NELL2: variants seen among roughly 807,000 people sequenced by gnomAD.
The protein encoded by NELL2 is protein kinase C-binding protein NELL2.
NELL2 carries 41 observed loss-of-function variants against 109.6 expected under a neutral mutation model. The ratio of observed to expected loss-of-function variants is 0.37; its 90% CI spans 0.29 to 0.49. NELL2 has a LOEUF of 0.49. Among genes scored for constraint, NELL2 ranks in the 20% least tolerant of loss-of-function variants. The pLI, the probability that NELL2 is intolerant of heterozygous loss-of-function variation, is 0.98. For missense variants in NELL2, 900 were observed against 1,008.3 expected, an observed-to-expected ratio of 0.89 and a Z score of 1.45; for synonymous variants, 355 against 344.7, an observed-to-expected ratio of 1.03 and a Z score of -0.33.
chr12:44,643,066 T>G (rs1342477829), intron 13 of NELL2, among the ~76,000 whole-genome samples: 1 of 152,224 alleles, frequency 6.6e-6, no homozygotes. Flanking sequence ...CATATACTTC[T>G]GATAAAAATG....
At chr12:44,819,086 C>A (rs1943456371) in intron 2 of NELL2, among the ~76,000 whole-genome samples, 1 of 151,984 alleles carries the variant, frequency 6.6e-6, no homozygotes, top group Admixed American at 6.6e-5. Context: ...GATGAAATGA[C>A]AAGTAAAGAT....
chr12:44,592,788 G>T lies in NELL2; in HGVS notation c.1663+14381C>A, dbSNP rs1258384811. Among the ~76,000 whole-genome samples the T allele has an allele frequency of 3.3e-5, 5 of 152,308 alleles. No individual in the cohort carries two copies. The East Asian group carries it at 5.8e-4, about 18-fold the overall frequency. On this transcript the variant is annotated intron_variant, in intron 15 of 19. Transcript: ENST00000429094. ...CACATTGCTAGGGCTCTTTCCAAGG[G>T]CTGGAAAGAAGCCTGGTTGCATTAA...
chr12:44,901,140 G>T (rs1945655580), intron 1 of NELL2, among the ~76,000 whole-genome samples: 1 of 151,964 alleles, frequency 6.6e-6, no homozygotes, highest in South Asian at 2.1e-4. Flanking sequence ...TAACAACATA[G>T]ATAGACCACT....
chr12:44,677,051 A>G (rs867227707), intron 12 of NELL2, among the ~76,000 whole-genome samples: 2 of 152,260 alleles, frequency 1.3e-5, no homozygotes, highest in South Asian at 2.1e-4. Flanking sequence ...CTCCAAACCC[A>G]GTCTTACAAA....
chr12:44,601,628 A>G (rs1370483463), intron 15 of NELL2, among the ~76,000 whole-genome samples: 1 of 152,144 alleles, frequency 6.6e-6, no homozygotes, highest in Admixed American at 6.5e-5. Context: ...AGAGTCTCAA[A>G]CAGTTCTGTC....
At chr12:44,736,304 C>T (rs913435767) in intron 9 of NELL2, among the ~76,000 whole-genome samples, 10 of 152,080 alleles carry the variant, frequency 6.6e-5, no homozygotes, top group South Asian at 2.1e-4. Context: ...CCACCGCGCC[C>T]GGCCTTCTTT....
At chr12:44,531,468 T>C (rs1482503538) in intron 16 of NELL2, among the ~76,000 whole-genome samples, 1 of 152,138 alleles carries the variant, frequency 6.6e-6, no homozygotes, top group African/African-American at 2.4e-5. Context: ...CCTTAGACCA[T>C]ATTTAAGTGG....
At chr12:44,787,987 C>T (rs1942243450) in intron 3 of NELL2, among the ~76,000 whole-genome samples, 1 of 152,076 alleles carries the variant, frequency 6.6e-6, no homozygotes, top group African/African-American at 2.4e-5. Flanking sequence ...AACTTTTGTG[C>T]ATTTTAAGAC....
At chr12:44,517,065 T>C (rs1941301124) in intron 19 of NELL2, among the ~76,000 whole-genome samples, 1 of 151,768 alleles carries the variant, frequency 6.6e-6, no homozygotes, top group South Asian at 2.1e-4. Flanking sequence ...ATTTAACACT[T>C]TTTCCATGTG....
At chr12:44,737,452 C>T (rs1413680798) in intron 9 of NELL2, among the ~76,000 whole-genome samples, 1 of 151,986 alleles carries the variant, frequency 6.6e-6, no homozygotes, top group African/African-American at 2.4e-5. Context: ...CTGCTCCTCC[C>T]AAATTCCTTT....
At chr12:44,557,827 A>G (rs892354273) in intron 15 of NELL2, among the ~76,000 whole-genome samples, 5 of 152,222 alleles carry the variant, frequency 3.3e-5, no homozygotes, top group Non-Finnish European at 5.9e-5. Context: ...ACTGAAAAAG[A>G]GGAACCAAAG....
chr12:44,555,956 AC>A (rs1215315550), intron 15 of NELL2, among the ~76,000 whole-genome samples: 2 of 152,166 alleles, frequency 1.3e-5, no homozygotes, highest in African/African-American at 4.8e-5. Context: ...GTACACATAT[AC>A]CCAAGGTGCA....
intron 19 of NELL2, among the ~76,000 whole-genome samples, chr12:44,515,583 T>G: frequency 6.6e-6 from 1 of 151,914 alleles, no homozygotes. Flanking sequence ...ATCAAACTCA[T>G]CAAACTATAT....
intron 1 of NELL2, among the ~76,000 whole-genome samples, chr12:44,888,785 GTA>G (rs556016714): frequency 3.3e-5 from 5 of 151,404 alleles, no homozygotes; most frequent in Non-Finnish European, 7.4e-5. Context: ...AACATTCTTC[GTA>G]TTCACCAAAG....
At chr12:44,892,666 T>C (rs919677053) in intron 1 of NELL2, among the ~76,000 whole-genome samples, 20 of 151,296 alleles carry the variant, frequency 1.3e-4, no homozygotes, top group Non-Finnish European at 2.7e-4. Flanking sequence ...GGAGTGGTGG[T>C]GGGCGCCTGT....
chr12:44,839,681 C>T (rs931560985), intron 2 of NELL2, among the ~76,000 whole-genome samples: 1 of 152,194 alleles, frequency 6.6e-6, no homozygotes, highest in East Asian at 1.9e-4. Context: ...GAAGTGTTCG[C>T]TTGAGGGCTA....
chr12:44,909,083 A>G (rs1423994496), intron 1 of NELL2, among the ~76,000 whole-genome samples: 3 of 151,966 alleles, frequency 2.0e-5, no homozygotes, highest in Admixed American at 1.3e-4. Flanking sequence ...TAGATAGAGC[A>G]ATCAGGCAAG....
chr12:44,824,346 C>T (rs1226488730), intron 2 of NELL2, among the ~76,000 whole-genome samples: 1 of 152,160 alleles, frequency 6.6e-6, no homozygotes, highest in Non-Finnish European at 1.5e-5. Flanking sequence ...TGGCCTAGAC[C>T]AATGTCAAGA....
chr12:44,878,842 C>T (rs527384291), upstream of NELL2, among the ~76,000 whole-genome samples: 3 of 152,306 alleles, frequency 2.0e-5, no homozygotes, highest in African/African-American at 4.8e-5. Context: ...TTGTTGTAGG[C>T]ATAATAATAT....
Sources: allele counts gnomAD v4.1 joint callset (sites outside exome capture counted in the v4.1 genomes callset), GRCh38; gene constraint gnomAD v4.1.1; transcripts MANE v1.5; gene names NCBI Gene and HGNC (gene_info 2026-07-23, HGNC 2026-07-21).